Variants in UTY observed in about 807,000 individuals in gnomAD.
UTY encodes the protein ubiquitously transcribed tetratricopeptide repeat containing, Y-linked, also known as histone demethylase UTY.
Under a neutral mutation model 32.5 loss-of-function variants are expected in UTY, and 12 were observed. That is an observed-to-expected ratio of 0.37 (90% confidence interval 0.24 to 0.60). UTY has a LOEUF of 0.60. UTY is among the 20% of genes least tolerant of loss of function. UTY has a pLI of 0.69. For missense variants in UTY, 303 were observed against 299.2 expected, an observed-to-expected ratio of 1.01 and a Z score of -0.09; for synonymous variants, 131 against 103.4, an observed-to-expected ratio of 1.27 and a Z score of -1.62.
Position 13,448,873 on chromosome Y carries a change from T to C in UTY, c.375+144A>G. On this transcript the variant is annotated intron_variant, in intron 4 of 29. Coordinates refer to ENST00000545955, the MANE Select transcript of UTY (RefSeq NM_001258249.2). ...CTGTGACTAAAACAGGACTTTCCCTTTATCCACATTGTACTATCTATGGCT... is the reference window on the plus strand; with the variant it reads ...CTGTGACTAAAACAGGACTTTCCCTCTATCCACATTGTACTATCTATGGCT... 2.6e-5 allele frequency: 3 copies of C among 114,424 alleles called. No homozygotes were observed. The Admixed American group carries it at 5.5e-4, about 21-fold the overall frequency. The allele number at this position is 114,424 out of a possible 400,897, so 28.5% of individuals were successfully genotyped here. A position where few individuals can be genotyped will look rare whatever the true frequency, so the allele number is the denominator to read the frequency against.
At chrY:13,260,480 T>A in intron 27 of UTY, 76 bp from the exon 28 acceptor site, 3 of 265,702 alleles carry the variant, frequency 1.1e-5, no homozygotes, top group Non-Finnish European at 1.6e-5. Flanking sequence ...TAGAAATAAC[T>A]TTGTGAATCT....
intron 10 of UTY, among the ~76,000 whole-genome samples, chrY:13,365,463 TAAAAG>T (rs2149313831): frequency 3.5e-5 from 1 of 28,712 alleles, no homozygotes; most frequent in Admixed American, 3.2e-4. Flanking sequence ...ATGTAGTAAG[TAAAAG>T]AAGAGTACCT....
intron 8 of UTY, among the ~76,000 whole-genome samples, chrY:13,377,820 C>A: frequency 3.0e-5 from 1 of 33,616 alleles, no homozygotes; most frequent in Admixed American, 2.7e-4. Context: ...GAAAGGAAAT[C>A]GTGTATTAGT....
At chrY:13,459,761 TGGGTCCTCAGTG>T (rs2077207122) in intron 3 of UTY, among the ~76,000 whole-genome samples, 2 of 33,590 alleles carry the variant, frequency 6.0e-5, no homozygotes, top group African/African-American at 2.3e-4. Flanking sequence ...ATGTGCTTCT[TGGGTCCTCAGTG>T]GCTGAAGTTG....
At chrY:13,350,829 C>T in intron 17 of UTY, among the ~76,000 whole-genome samples, 1 of 33,156 alleles carries the variant, frequency 3.0e-5, no homozygotes, top group African/African-American at 1.2e-4. Flanking sequence ...CTGTTCCATT[C>T]TGATTACTGG....
chrY:13,427,976 A>G, intron 4 of UTY, among the ~76,000 whole-genome samples: 1 of 33,067 alleles, frequency 3.0e-5, no homozygotes, highest in Admixed American at 2.7e-4. Flanking sequence ...GATGCTGAAC[A>G]TTTTTTCATG....
At chrY:13,257,223 G>T (rs764002511) in intron 28 of UTY, among the ~76,000 whole-genome samples, 9 of 33,847 alleles carry the variant, frequency 2.7e-4, no homozygotes, top group Admixed American at 5.4e-4. Context: ...AGAGTCTTCT[G>T]CCTGTGTTAA....
intron 17 of UTY, among the ~76,000 whole-genome samples, chrY:13,341,446 C>T: frequency 3.1e-5 from 1 of 32,230 alleles, no homozygotes; most frequent in African/African-American, 1.2e-4. Context: ...GGCTGACCTA[C>T]GCTTGAGAGA....
At chrY:13,328,977 C>T in intron 18 of UTY, among the ~76,000 whole-genome samples, 4 of 33,375 alleles carry the variant, frequency 1.2e-4, no homozygotes, top group Admixed American at 5.5e-4. Context: ...ATTATCATCA[C>T]TACTCCATTA....
intron 4 of UTY, among the ~76,000 whole-genome samples, chrY:13,433,668 G>A (rs2074255317): frequency 3.0e-5 from 1 of 33,643 alleles, no homozygotes; most frequent in African/African-American, 1.2e-4. Context: ...AAGTGAAAAT[G>A]AAACTAAAAA....
At chrY:13,282,907 G>A (rs1049062115) in intron 27 of UTY, among the ~76,000 whole-genome samples, 5 of 34,442 alleles carry the variant, frequency 1.5e-4, no homozygotes, top group African/African-American at 5.6e-4. Flanking sequence ...GAGCGCTCCC[G>A]GGAAAGAAAT....
chrY:13,292,172 C>G, intron 27 of UTY, among the ~76,000 whole-genome samples: 3 of 32,264 alleles, frequency 9.3e-5, no homozygotes, highest in Non-Finnish European at 2.3e-4. Flanking sequence ...AGAAACAGGC[C>G]GGGTGCGGTG....
chrY:13,297,635 C>A, intron 27 of UTY, 72 bp downstream of exon 27: 1 of 393,338 alleles, frequency 2.5e-6, no homozygotes, highest in Non-Finnish European at 3.6e-6. Context: ...CAACAGAATT[C>A]TTTTGAAAAA....
intron 3 of UTY, among the ~76,000 whole-genome samples, chrY:13,467,579 G>A (rs2078028406): frequency 3.0e-5 from 1 of 32,872 alleles, no homozygotes; most frequent in Non-Finnish European, 7.5e-5. Flanking sequence ...GACCAGCCTG[G>A]TCAACATGTT....
intron 28 of UTY, 150 bp from the exon 29 acceptor site, chrY:13,251,337 G>A (rs755822395): frequency 8.3e-6 from 1 of 120,141 alleles, no homozygotes; most frequent in Non-Finnish European, 1.5e-5. Context: ...ACAAGACTAT[G>A]GTTGTGAGTT....
At chrY:13,319,305 T>C in intron 21 of UTY, among the ~76,000 whole-genome samples, 1 of 33,453 alleles carries the variant, frequency 3.0e-5, no homozygotes, top group Non-Finnish European at 7.4e-5. Flanking sequence ...TAGGAAAAAC[T>C]GAGATTAGAA....
chrY:13,388,447 T>C (rs2067153453), intron 8 of UTY, among the ~76,000 whole-genome samples: 1 of 34,200 alleles, frequency 2.9e-5, no homozygotes, highest in Non-Finnish European at 7.3e-5. Flanking sequence ...GTTTCTTGGC[T>C]ACTGCAAATA....
intron 27 of UTY, chrY:13,287,277 G>A: frequency 2.5e-6 from 1 of 393,993 alleles, no homozygotes; most frequent in African/African-American, 6.4e-5. Context: ...CAAACCTTCA[G>A]AAATAGAAGT....
At chrY:13,461,271 G>T (rs2077345264) in intron 3 of UTY, among the ~76,000 whole-genome samples, 4 of 29,166 alleles carry the variant, frequency 1.4e-4, no homozygotes, top group African/African-American at 2.7e-4. Context: ...AGGACAGGGT[G>T]GGGGGCGCGG....
Sources: gnomAD v4.1 joint callset for allele counts (sites outside exome capture counted in the v4.1 genomes callset) on GRCh38, gnomAD v4.1.1 for gene constraint, MANE v1.5 for transcripts, NCBI Gene and HGNC (gene_info 2026-07-23, HGNC 2026-07-21) for gene names.